Variants in UBASH3A observed in about 807,000 individuals in gnomAD.
UBASH3A encodes ubiquitin-associated and SH3 domain-containing protein A.
UBASH3A carries 63 observed loss-of-function variants against 73.5 expected under a neutral mutation model. The observed-to-expected ratio is 0.86, with a 90% CI of 0.70 to 1.06. The LOEUF (loss-of-function observed/expected upper bound fraction) is 1.06, where lower values mean the gene tolerates loss of function less well. Among genes scored for constraint, UBASH3A ranks in the 50% least tolerant of loss-of-function variants. The pLI, the probability that UBASH3A is intolerant of heterozygous loss-of-function variation, is 0.00. For synonymous variants in UBASH3A, 363 were observed against 351.1 expected (o/e 1.03, Z -0.38); for missense variants, 860 against 859.0 (o/e 1.00, Z -0.02).
At chr21:42,443,074 T>C in intron 12 of UBASH3A, 2 of 1,282,298 alleles carry the variant, frequency 1.6e-6, no homozygotes, top group Admixed American at 3.5e-5. Context: ...TCTCCACCCA[T>C]GTCTGACTCT....
At chr21:42,444,746 C>T (rs1288509799) in intron 14 of UBASH3A, 103 bp downstream of exon 14, 31 of 937,622 alleles carry the variant, frequency 3.3e-5, no homozygotes, top group Admixed American at 3.7e-5. Context: ...TCCGGCTGAC[C>T]CAGGGCCACC....
intron 9 of UBASH3A, among the ~76,000 whole-genome samples, chr21:42,434,380 A>C (rs2053590011): frequency 6.6e-6 from 1 of 152,132 alleles, no homozygotes; most frequent in Non-Finnish European, 1.5e-5. Context: ...CAATTGACTA[A>C]AGAATGCACA....
chr21:42,406,513 C>A, intron 2 of UBASH3A, 152 bp downstream of exon 2: 1 of 653,190 alleles, frequency 1.5e-6, no homozygotes. Context: ...AACCTCCCTG[C>A]CTACCCATAG....
chr21:42,410,353 G>A, intron 3 of UBASH3A: 1 of 585,266 alleles, frequency 1.7e-6, no homozygotes, highest in South Asian at 2.1e-5. Flanking sequence ...CAACTCTGCT[G>A]TTGGCAAACT....
At chr21:42,429,926 C>G (rs1421173342) in intron 8 of UBASH3A, among the ~76,000 whole-genome samples, 1 of 152,150 alleles carries the variant, frequency 6.6e-6, no homozygotes, top group Non-Finnish European at 1.5e-5. Flanking sequence ...GCTCACCAAT[C>G]CCATAGTTTA....
rs543987829 is a variant in UBASH3A, at chr21:42,409,040, G to A, written c.168-382G>A. ...TTTTATATGTAATTTGAAGTTTGAG[G>A]TAAAATACAAATGTGAGGTTTTTCC... On this transcript the variant is annotated intron_variant, in intron 2 of 14. Transcript: ENST00000319294. Among the ~76,000 whole-genome samples the A allele has an allele frequency of 2.6e-5, 4 of 152,264 alleles. No individual in the cohort carries two copies. In the South Asian group the frequency reaches 8.3e-4, roughly 32 times the overall value.
chr21:42,410,362 C>G (rs2053065589), intron 3 of UBASH3A: 1 of 582,474 alleles, frequency 1.7e-6, no homozygotes, highest in South Asian at 2.1e-5. Context: ...TGTTGGCAAA[C>G]TGATTTGTTC....
Position 42,434,877 on chromosome 21 carries a change from G to C in UBASH3A, c.1316G>C (p.Arg439Thr), listed in dbSNP as rs369174310. 51 of 1,614,092 alleles carry C rather than the reference G, an allele frequency of 3.2e-5. No individual in the cohort carries two copies. Among genetic ancestry groups the C allele is most frequent in the Non-Finnish European group, 4.2e-5 (50 of 1,180,028 alleles). ...CTGAATTTCCCCTGCAGTCTGCCAA[G>C]ACGGAGTCGTGGGATCAAAGACTTT... is the stretch of plus-strand genomic sequence containing the variant. ...PDLNFPCSLP[R>T]RSRGIKDFEN... is the part of the protein sequence containing the mutation. Residue 439 changes from arginine to threonine, a missense_variant, in exon 10 of 15, where the codon AGA (arginine) becomes ACA (threonine). Arg to Thr is a moderately conservative substitution (Grantham distance 71). Coordinates refer to ENST00000319294, the MANE Select transcript of UBASH3A (RefSeq NM_018961.4).
At chr21:42,426,578 G>C in intron 7 of UBASH3A, 119 bp from the exon 8 acceptor site, 1 of 1,198,946 alleles carries the variant, frequency 8.3e-7, no homozygotes, top group African/African-American at 1.5e-5. Context: ...GTGCTCATGG[G>C]AACCTTTCTG....
rs371214515 is a variant in UBASH3A at position 42,415,795 on chromosome 21, C to T, written c.668-647C>T. On this transcript the variant is annotated intron_variant, in intron 5 of 14. Transcript: ENST00000319294. The stretch of plus-strand genomic sequence containing the variant: ...TCTGACACCAAAGTTTGTGTTGTTC[C>T]CGTCAAGACACAGACCGCCTCCCTA... Among the ~76,000 whole-genome samples the T allele has an allele frequency of 2.0e-5, 3 of 152,298 alleles. 1 individual carries two copies. The highest frequency in any genetic ancestry group is 1.9e-4 in the East Asian group (1 of 5,180).
chr21:42,416,439 C>G lies in UBASH3A; in HGVS notation c.668-3C>G. 1 of 1,566,456 alleles carries G rather than the reference C, an allele frequency of 6.4e-7. No homozygotes were observed. The highest frequency in any genetic ancestry group is 8.6e-7 in the Non-Finnish European group (1 of 1,159,504). On this transcript the variant is annotated splice_region_variant and splice_polypyrimidine_tract_variant and intron_variant, in intron 5 of 14. Transcript: ENST00000319294. ...CACCCTCTGTGTTTCCCTGATTTCA[C>G]AGACTGCTCCGTGAAGCCTTGCACC...
In UBASH3A at chr21:42,413,545, G is replaced by C; in HGVS notation, c.667+22G>C. 6.4e-7 allele frequency: 1 copy of C among 1,559,596 alleles called. No individual in the cohort carries two copies. The highest frequency in any genetic ancestry group is 8.8e-7 in the Non-Finnish European group (1 of 1,133,296). ...AAATGTAAGCCATTAGAAAGCTTCC[G>C]GACCAGCTTTGGTCTTCTCTTTAGG... On this transcript the variant is annotated intron_variant, in intron 5 of 14. Transcript: ENST00000319294. The surrounding 1 kb of genome is among the most constrained non-coding windows in gnomAD (Gnocchi z 4.5).
intron 8 of UBASH3A, among the ~76,000 whole-genome samples, chr21:42,428,707 T>C (rs184458146): frequency 6.6e-6 from 1 of 151,794 alleles, no homozygotes; most frequent in African/African-American, 2.4e-5. Flanking sequence ...TACCCAGGTA[T>C]TGGGTAGGGG....
chr21:42,429,963 A>C (rs780650222), intron 8 of UBASH3A, among the ~76,000 whole-genome samples: 29 of 152,098 alleles, frequency 1.9e-4, no homozygotes, highest in Non-Finnish European at 3.5e-4. Flanking sequence ...AGCCAGGGCC[A>C]CCGAGAACTG....
At chr21:42,424,759 G>C (rs1376833418) in intron 7 of UBASH3A, among the ~76,000 whole-genome samples, 1 of 152,212 alleles carries the variant, frequency 6.6e-6, no homozygotes, top group Non-Finnish European at 1.5e-5. Flanking sequence ...TGGAGGTCCT[G>C]ACCCCTAACA....
rs543991192 is a variant in UBASH3A at position 42,439,176 on chromosome 21, C to A, written c.1486+1596C>A. ...TCAGGCTCATCATTCCTGTCCTGTGCTCTCATGAACTTTCCATCCCATAGT... is the reference window on the plus strand; with the variant it reads ...TCAGGCTCATCATTCCTGTCCTGTGATCTCATGAACTTTCCATCCCATAGT... On this transcript the variant is annotated intron_variant, in intron 11 of 14. Coordinates refer to ENST00000319294, the MANE Select transcript of UBASH3A (RefSeq NM_018961.4). Among the ~76,000 whole-genome samples the A allele has an allele frequency of 4.6e-5, 7 of 152,316 alleles. No homozygotes were observed. The South Asian group carries it at 1.4e-3, about 32-fold the overall frequency.
In UBASH3A at chr21:42,410,251, A is replaced by G; in HGVS notation, c.354+643A>G. On this transcript the variant is annotated intron_variant, in intron 3 of 14. Transcript: ENST00000319294. ...GGGAGCTGCTCAGGAGAAAAGAAGG[A>G]GAAGGGAGAGACAGACAGCCACTGC... 7 of 687,036 alleles carry G rather than the reference A, an allele frequency of 1.0e-5. No individual in the cohort carries two copies. The South Asian group carries it at 1.1e-4, about 10-fold the overall frequency. The allele number at this position is 687,036 out of a possible 1,614,324, so 42.6% of individuals were successfully genotyped here. A position where few individuals can be genotyped will look rare whatever the true frequency, so the allele number is the denominator to read the frequency against.
In UBASH3A at chr21:42,447,286, G is replaced by A. The variant is rs772226512; in HGVS notation, c.*92G>A. On this transcript the variant is annotated 3_prime_UTR_variant, in exon 15 of 15. Coordinates refer to ENST00000319294, the MANE Select transcript of UBASH3A (RefSeq NM_018961.4). ...TGCTGCTGTTTCCAGAGGCGTCTTA[G>A]TCTCACCCAATGTGATTTGTAGAAG... 50 of 1,358,950 alleles carry A rather than the reference G, an allele frequency of 3.7e-5. No homozygotes were observed. Among genetic ancestry groups the A allele is most frequent in the Non-Finnish European group, 5.0e-5 (50 of 991,940 alleles). The allele number at this position is 1,358,950 out of a possible 1,614,324, so 84.2% of individuals were successfully genotyped here.
chr21:42,432,008 G>T, intron 8 of UBASH3A, 95 bp from the exon 9 acceptor site: 1 of 694,120 alleles, frequency 1.4e-6, no homozygotes, highest in African/African-American at 1.7e-5. Context: ...AGATTCCCTC[G>T]CAGTTGCTGG....
Sources: gnomAD v4.1 joint callset for allele counts (sites outside exome capture counted in the v4.1 genomes callset) on GRCh38, gnomAD v4.1.1 for gene constraint, Gnocchi (gnomAD v3.1) non-coding constraint, MANE v1.5 for transcripts, NCBI Gene and HGNC (gene_info 2026-07-23, HGNC 2026-07-21) for gene names.